ACBD4: variants seen among roughly 807,000 people sequenced by gnomAD.
The protein encoded by ACBD4 is acyl-CoA binding domain containing 4.
A neutral mutation model predicts 46.0 loss-of-function variants in ACBD4; 41 were observed. The ratio of observed to expected loss-of-function variants is 0.89; its 90% CI spans 0.69 to 1.16. The LOEUF is 1.16. ACBD4 is among the 50% of genes most tolerant of loss of function. The probability of loss-of-function intolerance (pLI) is 0.00; values close to 1 mark genes in which losing one functional copy is unlikely to be tolerated. For synonymous variants in ACBD4, 162 were observed against 155.9 expected (o/e 1.04, Z -0.29); for missense variants, 393 against 399.5 (o/e 0.98, Z 0.14).
intron 9 of ACBD4, among the ~76,000 whole-genome samples, chr17:45,140,686 CATG>C (rs974020356): frequency 6.7e-6 from 1 of 149,314 alleles, no homozygotes; most frequent in Non-Finnish European, 1.5e-5. Flanking sequence ...TTCTAAACAT[CATG>C]ATGTTCCACC....
Position 45,139,178 on chromosome 17 carries a change from A to C in ACBD4, c.789+18A>C. ...CTGAGCAGGTAGAGTCCCCCACCCC[A>C]TAGGACAAGATGATGGCAGAATCCG... On this transcript the variant is annotated intron_variant, in intron 9 of 9. Coordinates refer to ENST00000321854, the MANE Select transcript of ACBD4 (RefSeq NM_001135705.3). The C allele has an allele frequency of 1.9e-6, 3 of 1,612,004 alleles. No individual in the cohort carries two copies. Among genetic ancestry groups the C allele is most frequent in the Non-Finnish European group, 2.5e-6 (3 of 1,179,014 alleles).
At chr17:45,137,732 G>A (rs762869859) in intron 6 of ACBD4, 28 bp from the exon 7 acceptor site, 6 of 1,613,346 alleles carry the variant, frequency 3.7e-6, no homozygotes, top group Non-Finnish European at 5.1e-6. Flanking sequence ...CTTCCCTCTG[G>A]GCAGTAACTC....
At chr17:45,136,048 T>C in intron 1 of ACBD4, 60 bp from the exon 2 acceptor site, 1 of 1,309,944 alleles carries the variant, frequency 7.6e-7, no homozygotes, top group South Asian at 1.2e-5. Context: ...AAGTGAATCC[T>C]TGGCTTATGG....
intron 9 of ACBD4, among the ~76,000 whole-genome samples, chr17:45,140,371 C>T (rs575230416): frequency 5.3e-5 from 8 of 150,582 alleles, no homozygotes; most frequent in South Asian, 4.2e-4. Flanking sequence ...TTAGTAGAGA[C>T]GGGGTTTCAC....
At chr17:45,138,985 C>T in intron 8 of ACBD4, 36 bp from the exon 9 acceptor site, 1 of 1,609,662 alleles carries the variant, frequency 6.2e-7, no homozygotes, top group South Asian at 1.1e-5. Flanking sequence ...TGAATTGCCT[C>T]CTGAGCCCCC....
At chr17:45,136,939 G>T in intron 4 of ACBD4, 80 bp from the exon 5 acceptor site, 2 of 1,605,978 alleles carry the variant, frequency 1.2e-6, no homozygotes, top group Non-Finnish European at 1.7e-6. Context: ...TGGGCACAGG[G>T]TGGAGGTGTG....
At chr17:45,136,408 A>T in intron 2 of ACBD4, 92 bp from the exon 3 acceptor site, 2 of 1,485,374 alleles carry the variant, frequency 1.3e-6, no homozygotes, top group Non-Finnish European at 9.2e-7. Context: ...ACCCATCACC[A>T]CCTCTGCCCT....
At chr17:45,134,811 A>G (rs1401645320), upstream of ACBD4, among the ~76,000 whole-genome samples, 1 of 152,026 alleles carries the variant, frequency 6.6e-6, no homozygotes, top group Non-Finnish European at 1.5e-5. Flanking sequence ...AAACAAAATA[A>G]AAAGATACAA....
chr17:45,132,265 C>A, upstream of ACBD4: 1 of 1,275,366 alleles, frequency 7.8e-7, no homozygotes, highest in Non-Finnish European at 9.9e-7. The surrounding 1 kb of genome is among the most constrained non-coding windows in gnomAD (Gnocchi z 4.6). Context: ...CTTCAGCGCC[C>A]GCAGCCCGGG....
chr17:45,132,438 C>G, upstream of ACBD4: 2 of 1,187,604 alleles, frequency 1.7e-6, no homozygotes, highest in Admixed American at 4.5e-5. The surrounding 1 kb of genome is among the most constrained non-coding windows in gnomAD (Gnocchi z 4.6). Context: ...GGGCCGGGCC[C>G]GGGGTCTGCA....
At chr17:45,137,582 G>C (rs997827078) in intron 6 of ACBD4, 128 bp downstream of exon 6, 1 of 1,360,338 alleles carries the variant, frequency 7.4e-7, no homozygotes. Flanking sequence ...GTGGGGACCG[G>C]GGTCTAGGAT....
At position 45,139,006 on chromosome 17, in the gene ACBD4, G is replaced by A; in HGVS notation, c.650-15G>A. 6.2e-7 allele frequency: 1 copy of A among 1,611,964 alleles called. No homozygotes were observed. Among genetic ancestry groups the A allele is most frequent in the Non-Finnish European group, 8.5e-7 (1 of 1,179,866 alleles). The stretch of plus-strand genomic sequence containing the variant: ...GCCTCCTGAGCCCCCTTCCCTGTGT[G>A]TCTGTGCTCCGCAGAGGGGTTGCGG... On this transcript the variant is annotated splice_polypyrimidine_tract_variant and intron_variant, in intron 8 of 9. Transcript: ENST00000321854.
chr17:45,137,225 A>G, intron 5 of ACBD4, 86 bp downstream of exon 5: 2 of 1,604,364 alleles, frequency 1.2e-6, no homozygotes, highest in South Asian at 1.1e-5. Context: ...AGAGGGCTCC[A>G]GGCGACATCC....
At chr17:45,132,679 C>G (rs373079502), upstream of ACBD4, 48 of 227,116 alleles carry the variant, frequency 2.1e-4, 1 homozygote, top group East Asian at 4.1e-3. The surrounding 1 kb of genome is among the most constrained non-coding windows in gnomAD (Gnocchi z 4.6). Context: ...TCCGTCTCCC[C>G]TTAGTCCGGG....
intron 5 of ACBD4, 32 bp from the exon 6 acceptor site, chr17:45,137,336 C>G (rs1356707686): frequency 1.2e-6 from 2 of 1,613,238 alleles, no homozygotes; most frequent in South Asian, 1.1e-5. Flanking sequence ...AGCCTCTCCC[C>G]AGGCCCACCT....
rs375438558 is a variant in ACBD4 at position 45,143,504 on chromosome 17, T to C, written c.851T>C (p.Leu284Pro). 6.2e-7 allele frequency: 1 copy of C among 1,613,686 alleles called. No homozygotes were observed. Among genetic ancestry groups the C allele is most frequent in the Non-Finnish European group, 8.5e-7 (1 of 1,179,942 alleles). Residue 284 changes from leucine to proline, a missense_variant, in exon 10 of 10, where the codon CTC becomes CCC. Transcript: ENST00000321854. ...WPLGLPGPAL[L>P]FFLLWPFVVQ... ...CTTGGGCTCCCGGGGCCCGCGCTGCTCTTCTTCCTCCTGTGGCCCTTCGTC... is the reference window on the plus strand; with the variant it reads ...CTTGGGCTCCCGGGGCCCGCGCTGCCCTTCTTCCTCCTGTGGCCCTTCGTC...
chr17:45,143,724 A>C lies in ACBD4; in HGVS notation c.*153A>C. The C allele has an allele frequency of 3.2e-6, 4 of 1,254,060 alleles. No individual in the cohort carries two copies. The highest frequency in any genetic ancestry group is 1.4e-5 in the South Asian group (1 of 69,658). The allele number at this position is 1,254,060 out of a possible 1,614,324, so 77.7% of individuals were successfully genotyped here. A position where few individuals can be genotyped will look rare whatever the true frequency, so the allele number is the denominator to read the frequency against. ...TAAAGCAGCGCGGGGGGCAAATAAG[A>C]CCCCACCCCTCCCTGCAGCTTCACA... On this transcript the variant is annotated 3_prime_UTR_variant, in exon 10 of 10. Transcript: ENST00000321854.
intron 9 of ACBD4, among the ~76,000 whole-genome samples, chr17:45,140,686 CA>C (rs1483593900): frequency 6.7e-6 from 1 of 149,314 alleles, no homozygotes; most frequent in African/African-American, 2.5e-5. Flanking sequence ...TTCTAAACAT[CA>C]TGATGTTCCA....
intron 9 of ACBD4, among the ~76,000 whole-genome samples, chr17:45,140,265 C>A (rs1463793084): frequency 6.6e-6 from 1 of 151,274 alleles, no homozygotes; most frequent in Non-Finnish European, 1.5e-5. Context: ...CTCACTGCAA[C>A]CTCCGCCTCC....
Sources: gnomAD v4.1 joint callset for allele counts (sites outside exome capture counted in the v4.1 genomes callset) on GRCh38, gnomAD v4.1.1 for gene constraint, Gnocchi (gnomAD v3.1) non-coding constraint, MANE v1.5 for transcripts, NCBI Gene and HGNC (gene_info 2026-07-23, HGNC 2026-07-21) for gene names.